CAPS2: variants seen among roughly 807,000 people sequenced by gnomAD.
The protein encoded by CAPS2 is calcyphosin-2.
Under a neutral mutation model 86.5 loss-of-function variants are expected in CAPS2, and 98 were observed. The ratio of observed to expected loss-of-function variants is 1.13; its 90% CI spans 0.96 to 1.34. The LOEUF is 1.34. CAPS2 is among the 40% of genes most tolerant of loss of function. The pLI, the probability that CAPS2 is intolerant of heterozygous loss-of-function variation, is 0.00. For synonymous variants in CAPS2, 210 were observed against 225.1 expected, an observed-to-expected ratio of 0.93 and a Z score of 0.60; for missense variants, 729 against 686.8, an observed-to-expected ratio of 1.06 and a Z score of -0.69.
At chr12:75,285,147 T>C in intron 14 of CAPS2, 67 bp from the exon 15 acceptor site, 26 of 1,476,618 alleles carry the variant, frequency 1.8e-5, no homozygotes, top group East Asian at 2.3e-5. Context: ...ATCATCTTAG[T>C]TGTATTTTGT....
intron 16 of CAPS2, among the ~76,000 whole-genome samples, chr12:75,280,378 G>T (rs2033710536): frequency 6.6e-6 from 1 of 151,562 alleles, no homozygotes; most frequent in South Asian, 2.1e-4. Flanking sequence ...CTTCTATTTA[G>T]GAATATTTAG....
chr12:75,286,461 G>A (rs2034883415), intron 14 of CAPS2, among the ~76,000 whole-genome samples: 1 of 151,634 alleles, frequency 6.6e-6, no homozygotes, highest in Non-Finnish European at 1.5e-5. Flanking sequence ...TTCAAGAATT[G>A]AGTAATTTAA....
At chr12:75,305,519 A>T in intron 7 of CAPS2, 1 of 615,432 alleles carries the variant, frequency 1.6e-6, no homozygotes, top group South Asian at 1.4e-5. Flanking sequence ...GTGCATAGCA[A>T]CCCTAGGGTT....
Position 75,293,500 on chromosome 12 carries a change from G to A in CAPS2, c.1045-133C>T, listed in dbSNP as rs2036368772. The A allele has an allele frequency of 4.6e-6, 3 of 657,830 alleles. No individual in the cohort carries two copies. In the East Asian group the frequency reaches 8.5e-5, roughly 19 times the overall value. 40.7% of individuals were successfully genotyped at this position (657,830 alleles called of 1,614,324 possible). A position where few individuals can be genotyped will look rare whatever the true frequency, so the allele number is the denominator to read the frequency against. On this transcript the variant is annotated intron_variant, in intron 11 of 16. Coordinates refer to ENST00000393284, the Ensembl canonical transcript of CAPS2. ...AACAAGGGTAAGAAGTATATTTGGA[G>A]AATGCTTATATGTATTTGGAGAAAC...
chr12:75,351,689 G>A (rs2042826175), intron 1 of CAPS2, among the ~76,000 whole-genome samples: 1 of 152,006 alleles, frequency 6.6e-6, no homozygotes, highest in South Asian at 2.1e-4. Flanking sequence ...TGGGATTAGA[G>A]GCGCTCCCCA....
intron 13 of CAPS2, 39 bp downstream of exon 13, chr12:75,291,705 A>C: frequency 9.1e-7 from 1 of 1,101,188 alleles, no homozygotes; most frequent in Non-Finnish European, 1.3e-6. Flanking sequence ...AAAAGGACTG[A>C]AAATTCAAAG....
At chr12:75,334,467 A>C, upstream of CAPS2, 1 of 1,290,754 alleles carries the variant, frequency 7.7e-7, no homozygotes. Flanking sequence ...CACAGAAAGC[A>C]GTTTGGATGG....
chr12:75,291,538 G>GTATATATA (rs5799217), intron 13 of CAPS2, among the ~76,000 whole-genome samples: 1 of 26,142 alleles, frequency 3.8e-5, no homozygotes, highest in African/African-American at 1.7e-4. Context: ...ATTTTAAAAA[G>GTATATATA]TATATATATA....
At chr12:75,359,355 GT>G (rs2043397064) in intron 1 of CAPS2, among the ~76,000 whole-genome samples, 1 of 46,432 alleles carries the variant, frequency 2.2e-5, no homozygotes, top group Non-Finnish European at 4.2e-5. Flanking sequence ...CAGCATTGTT[GT>G]CTTTTTTTTT....
intron 11 of CAPS2, among the ~76,000 whole-genome samples, chr12:75,296,002 T>G (rs771720490): frequency 1.8e-4 from 28 of 152,204 alleles, no homozygotes; most frequent in Admixed American, 5.9e-4. Context: ...GCAATTCAGA[T>G]TGGAAGATGG....
chr12:75,361,060 A>C (rs182118353), intron 1 of CAPS2: 1 of 152,166 alleles, frequency 6.6e-6, no homozygotes, highest in East Asian at 1.9e-4. Context: ...GCAAAAGAGA[A>C]ACTCTCAACA....
intron 7 of CAPS2, among the ~76,000 whole-genome samples, chr12:75,311,699 G>GAAAAAAAAAAAAAAAAAAAAAA (rs764314438): frequency 5.9e-5 from 1 of 16,994 alleles, no homozygotes; most frequent in Non-Finnish European, 1.6e-4. Flanking sequence ...AAGCCATGCA[G>GAAAAAAAAAAAAAAAAAAAAAA]GAAAAAAAAA....
rs187851807 is a variant in CAPS2, at chr12:75,315,177, T to C, written c.591+1135A>G. ...AATTTAGATACATTGCTCCTAATAA[T>C]GTAGTTGTAAGGAAAAGAAATCCAT... On this transcript the variant is annotated intron_variant, in intron 6 of 16. Coordinates refer to ENST00000393284, the Ensembl canonical transcript of CAPS2. 7.9e-5 allele frequency among the ~76,000 whole-genome samples: 12 copies of C among 152,298 alleles called. No individual in the cohort carries two copies. The East Asian group carries it at 2.1e-3, about 27-fold the overall frequency.
intron 1 of CAPS2, among the ~76,000 whole-genome samples, chr12:75,372,787 G>A (rs567119439): frequency 1.3e-5 from 2 of 152,280 alleles, no homozygotes; most frequent in East Asian, 1.9e-4. Context: ...TGGGGAACAC[G>A]GTAAGACCAG....
intron 16 of CAPS2, among the ~76,000 whole-genome samples, chr12:75,281,481 C>T (rs1207985128): frequency 6.6e-6 from 1 of 151,902 alleles, no homozygotes; most frequent in Non-Finnish European, 1.5e-5. Context: ...AACTCCAAAA[C>T]ATACTTGTGA....
chr12:75,329,566 TATATC>T (rs1293352353), upstream of CAPS2, among the ~76,000 whole-genome samples: 1 of 152,082 alleles, frequency 6.6e-6, no homozygotes, highest in Non-Finnish European at 1.5e-5. Flanking sequence ...TTATGTTACT[TATATC>T]AAATCAGAAA....
At chr12:75,323,640 G>A (rs2040509084) in intron 2 of CAPS2, among the ~76,000 whole-genome samples, 1 of 152,190 alleles carries the variant, frequency 6.6e-6, no homozygotes, top group South Asian at 2.1e-4. Context: ...CTACTGGGGA[G>A]GCTAAGGCAG....
chr12:75,370,162 CT>C (rs2044266486), intron 1 of CAPS2: 1 of 1,550,424 alleles, frequency 6.4e-7, no homozygotes, highest in Admixed American at 1.7e-5. Flanking sequence ...TTTTCTTCTT[CT>C]GAGAATCTTT....
intron 1 of CAPS2, among the ~76,000 whole-genome samples, chr12:75,340,124 A>G (rs762050703): frequency 3.6e-4 from 54 of 150,672 alleles, no homozygotes; most frequent in Admixed American, 1.5e-3. Flanking sequence ...ATATGTATAT[A>G]TTTTATACAC....
Sources: allele counts gnomAD v4.1 joint callset (sites outside exome capture counted in the v4.1 genomes callset), GRCh38; gene constraint gnomAD v4.1.1; transcripts MANE v1.5; gene names NCBI Gene and HGNC (gene_info 2026-07-23, HGNC 2026-07-21).